ODAD2: variants seen among roughly 807,000 people sequenced by gnomAD.
The protein encoded by ODAD2 is outer dynein arm docking complex subunit 2, also known as outer dynein arm-docking complex subunit 2.
ODAD2 carries 89 observed loss-of-function variants against 106.8 expected under a neutral mutation model. The observed-to-expected ratio is 0.83, with a 90% CI of 0.70 to 0.99. ODAD2 has a LOEUF of 0.99. Among genes scored for constraint, ODAD2 ranks in the 50% least tolerant of loss-of-function variants. The probability of loss-of-function intolerance (pLI) is 0.00; values close to 1 mark genes in which losing one functional copy is unlikely to be tolerated. For missense variants in ODAD2, 1,168 were observed against 1,238.5 expected (o/e 0.94, Z 0.85); for synonymous variants, 404 against 436.2 (o/e 0.93, Z 0.92).
At chr10:27,828,659 A>T (rs530058866) in intron 19 of ODAD2, among the ~76,000 whole-genome samples, 2 of 152,362 alleles carry the variant, frequency 1.3e-5, no homozygotes, top group African/African-American at 4.8e-5. Flanking sequence ...GCAATAAAAG[A>T]TATGCACCAT....
intron 19 of ODAD2, chr10:27,836,142 T>G (rs1837866062): frequency 6.6e-6 from 1 of 152,406 alleles, no homozygotes; most frequent in South Asian, 2.0e-4. Flanking sequence ...TTCAAACTCA[T>G]GCTGTTCAAG....
intron 17 of ODAD2, among the ~76,000 whole-genome samples, chr10:27,901,530 A>G (rs1048435524): frequency 6.6e-6 from 1 of 152,244 alleles, no homozygotes; most frequent in African/African-American, 2.4e-5. Flanking sequence ...AATTGGATAA[A>G]GATCAAGACC....
chr10:27,981,737 C>G, intron 6 of ODAD2, 155 bp from the exon 7 acceptor site: 1 of 531,080 alleles, frequency 1.9e-6, no homozygotes, highest in Non-Finnish European at 3.3e-6. Flanking sequence ...AAATCCTTCC[C>G]CCTTAATTTA....
At chr10:27,823,573 C>T (rs960285178) in intron 19 of ODAD2, among the ~76,000 whole-genome samples, 6 of 152,030 alleles carry the variant, frequency 3.9e-5, no homozygotes, top group East Asian at 1.9e-4. Flanking sequence ...AAATGGGAAA[C>T]GTAATGTAAA....
chr10:27,976,751 A>G (rs1379652957), intron 7 of ODAD2, among the ~76,000 whole-genome samples: 1 of 152,216 alleles, frequency 6.6e-6, no homozygotes, highest in Non-Finnish European at 1.5e-5. Flanking sequence ...TGCTGGCTCT[A>G]ATATTCTTAT....
At chr10:27,981,987 A>G (rs1849579555) in intron 6 of ODAD2, 1 of 153,206 alleles carries the variant, frequency 6.5e-6, no homozygotes, top group Non-Finnish European at 1.5e-5. Flanking sequence ...GGAAAAGCCT[A>G]CATTTCTGTT....
chr10:27,921,504 C>T (rs1217974159), intron 16 of ODAD2, among the ~76,000 whole-genome samples: 1 of 150,090 alleles, frequency 6.7e-6, no homozygotes, highest in Non-Finnish European at 1.5e-5. Context: ...TCATGAAGAT[C>T]CATGAATTCC....
At position 27,944,895 on chromosome 10, in the gene ODAD2, G is replaced by T. The variant is rs763275340; in HGVS notation, c.1454C>A (p.Thr485Asn). The part of the protein sequence containing the change: ...SMRDFSLAQE[T>N]CQLAIRDVGG... ...AACATCTCTGATGGCCAACTGGCAG[G>T]TTTCTTGAGCTAAGCTGAAATCCCT... The change falls in exon 11 of 20, where the codon ACC becomes AAC. Residue 485 changes from threonine (T) to asparagine (N), a missense_variant. By Grantham distance (65) the Thr-to-Asn change is moderately conservative. This residue lies in a region of ODAD2 where 701 missense variants were observed against 712.3 expected (regional missense o/e 0.98). Transcript: ENST00000305242. 2.5e-6 allele frequency: 4 copies of T among 1,614,062 alleles called. No homozygotes were observed. Among genetic ancestry groups the T allele is most frequent in the African/African-American group, 2.7e-5 (2 of 74,932 alleles).
At chr10:27,912,853 C>T (rs543599506) in intron 16 of ODAD2, among the ~76,000 whole-genome samples, 2 of 152,136 alleles carry the variant, frequency 1.3e-5, no homozygotes, top group East Asian at 3.9e-4. Context: ...ATGATCATCC[C>T]TGGGAAAAAC....
At chr10:27,832,790 T>A (rs1837584662) in intron 19 of ODAD2, among the ~76,000 whole-genome samples, 2 of 152,150 alleles carry the variant, frequency 1.3e-5, no homozygotes, top group African/African-American at 4.8e-5. Flanking sequence ...TTTATCATGG[T>A]CCCATGCTAT....
At chr10:27,940,089 C>A (rs1229515984) in intron 13 of ODAD2, 82 bp from the exon 14 acceptor site, 3 of 931,026 alleles carry the variant, frequency 3.2e-6, no homozygotes, top group Admixed American at 2.8e-5. Context: ...ACATGCTGAA[C>A]AAACTTTCTT....
At chr10:27,936,574 A>G (rs958114691) in intron 15 of ODAD2, 152 bp downstream of exon 15, 2 of 909,720 alleles carry the variant, frequency 2.2e-6, no homozygotes, top group Admixed American at 2.5e-5. Flanking sequence ...TTTCTTTTCT[A>G]TTCTAAGAAT....
chr10:27,818,774 T>C (rs1056254582), intron 19 of ODAD2, among the ~76,000 whole-genome samples: 5 of 152,206 alleles, frequency 3.3e-5, no homozygotes, highest in Admixed American at 2.6e-4. Context: ...CTGGTCATTG[T>C]TGCTTTTTAA....
intron 17 of ODAD2, among the ~76,000 whole-genome samples, chr10:27,880,269 A>C (rs1412887823): frequency 6.6e-6 from 1 of 152,208 alleles, no homozygotes; most frequent in Non-Finnish European, 1.5e-5. Context: ...TATAAATTTC[A>C]CCTTGTGAAA....
chr10:27,815,716 T>A (rs1836079089), intron 19 of ODAD2, among the ~76,000 whole-genome samples: 1 of 152,190 alleles, frequency 6.6e-6, no homozygotes, highest in African/African-American at 2.4e-5. Context: ...TTGTTAGAGT[T>A]CATCAGAACA....
chr10:27,997,738 A>G (rs9299595), intron 1 of ODAD2, among the ~76,000 whole-genome samples: 19,725 of 152,156 alleles, frequency 0.13, 1,477 homozygotes, highest in Non-Finnish European at 0.17. Context: ...AAATAAATAA[A>G]TGGTGTTCAA....
At chr10:27,887,068 G>A (rs901448446) in intron 17 of ODAD2, among the ~76,000 whole-genome samples, 4 of 151,800 alleles carry the variant, frequency 2.6e-5, no homozygotes, top group Non-Finnish European at 5.9e-5. Context: ...AAAATACATT[G>A]GCAAAATGGA....
At chr10:27,928,224 T>C (rs1845386644) in intron 16 of ODAD2, among the ~76,000 whole-genome samples, 1 of 152,046 alleles carries the variant, frequency 6.6e-6, no homozygotes, top group Non-Finnish European at 1.5e-5. Flanking sequence ...GGTACCAATA[T>C]CCATATAGTT....
rs137900360 is a variant in ODAD2 at position 27,896,468 on chromosome 10, A to G, written c.2610+11195T>C. Among the ~76,000 whole-genome samples the G allele has an allele frequency of 1.2e-3, 177 of 152,346 alleles. 2 individuals are homozygous for G. The East Asian group carries it at 0.018, about 16-fold the overall frequency. On this transcript the variant is annotated intron_variant, in intron 17 of 19. Transcript: ENST00000305242. Reference sequence around the variant, plus strand: ...TTGATAGGTAATAGATGGATGATTGATTGAAAGATAGAGAGATAGATAAGC... The same window carrying G: ...TTGATAGGTAATAGATGGATGATTGGTTGAAAGATAGAGAGATAGATAAGC...
Sources: gnomAD v4.1 joint callset for allele counts (sites outside exome capture counted in the v4.1 genomes callset) on GRCh38, gnomAD v4.1.1 for gene constraint, gnomAD v4.1.1 regional missense constraint, MANE v1.5 for transcripts, NCBI Gene and HGNC (gene_info 2026-07-23, HGNC 2026-07-21) for gene names.